The following IQCK variants were observed in gnomAD, a reference collection of about 807,000 sequenced individuals.
IQCK encodes the protein IQ motif containing K, also known as IQ domain-containing protein K.
IQCK carries 29 observed loss-of-function variants against 28.1 expected under a neutral mutation model. That is an observed-to-expected ratio of 1.03 (90% CI 0.77 to 1.41). The LOEUF (loss-of-function observed/expected upper bound fraction) is 1.41, where lower values mean the gene tolerates loss of function less well. Ranked by LOEUF, IQCK falls within the 40% of genes most tolerant of loss-of-function variation. The probability of loss-of-function intolerance (pLI) is 0.00; values close to 1 mark genes in which losing one functional copy is unlikely to be tolerated. For missense variants in IQCK, 359 were observed against 314.7 expected, an observed-to-expected ratio of 1.14 and a Z score of -1.07; for synonymous variants, 113 against 115.1, an observed-to-expected ratio of 0.98 and a Z score of 0.12.
chr16:19,832,569 G>A (rs1400184878), intron 9 of IQCK, among the ~76,000 whole-genome samples: 1 of 152,126 alleles, frequency 6.6e-6, no homozygotes, highest in Admixed American at 6.6e-5. Flanking sequence ...ACTCAGTTCT[G>A]TAAGTAAAAT....
intron 6 of IQCK, among the ~76,000 whole-genome samples, chr16:19,773,935 GTGAC>G (rs1332764987): frequency 1.3e-5 from 2 of 152,192 alleles, no homozygotes; most frequent in Non-Finnish European, 2.9e-5. Flanking sequence ...TTTCTGTTGG[GTGAC>G]TGACCCAGAG....
downstream of IQCK, among the ~76,000 whole-genome samples, chr16:19,829,530 T>A (rs2056202089): frequency 1.3e-5 from 2 of 151,922 alleles, no homozygotes; most frequent in African/African-American, 4.8e-5. Context: ...AGAGACGGGG[T>A]TTCACCATGT....
At chr16:19,733,585 C>T in intron 2 of IQCK, 113 bp from the exon 3 acceptor site, 9 of 1,228,828 alleles carry the variant, frequency 7.3e-6, no homozygotes, top group Non-Finnish European at 1.0e-5. Context: ...CAGCGTACCC[C>T]CTTGAACCTT....
At position 19,842,201 on chromosome 16, in the gene IQCK, T is replaced by C. The variant is rs2056369991; in HGVS notation, c.803-14286T>C. On this transcript the variant is annotated intron_variant, in intron 9 of 9. Transcript: ENST00000320394. The stretch of plus-strand genomic sequence containing the variant: ...TGTCTTTTCCCACTGAGTGGTGAAA[T>C]CAATTAATGGGTTGCCAAAAACATT... Among the ~76,000 whole-genome samples the C allele has an allele frequency of 1.3e-5, 2 of 152,150 alleles. 1 individual carries two copies. The highest frequency in any genetic ancestry group is 4.8e-5 in the African/African-American group (2 of 41,428).
chr16:19,803,423 G>A (rs1024451275), intron 7 of IQCK, among the ~76,000 whole-genome samples: 1 of 152,140 alleles, frequency 6.6e-6, no homozygotes, highest in African/African-American at 2.4e-5. Context: ...AATTGCAGGT[G>A]TGAGCCACAG....
chr16:19,729,161 C>T (rs976910236), intron 1 of IQCK, among the ~76,000 whole-genome samples: 1 of 152,108 alleles, frequency 6.6e-6, no homozygotes, highest in African/African-American at 2.4e-5. Context: ...ATTTTTGAGT[C>T]AGAGTCTCGC....
chr16:19,757,130 A>T (rs2055063778), intron 4 of IQCK, among the ~76,000 whole-genome samples: 2 of 152,202 alleles, frequency 1.3e-5, no homozygotes, highest in Non-Finnish European at 2.9e-5. Flanking sequence ...GCATATTTCT[A>T]TTCCTTGTAA....
chr16:19,783,847 G>T (rs960073038), intron 6 of IQCK, among the ~76,000 whole-genome samples: 3 of 152,154 alleles, frequency 2.0e-5, no homozygotes, highest in African/African-American at 7.2e-5. Context: ...GCTTTTTGGA[G>T]ATGTCGTTGT....
intron 6 of IQCK, among the ~76,000 whole-genome samples, chr16:19,772,827 G>T (rs1009739471): frequency 1.3e-5 from 2 of 151,990 alleles, no homozygotes; most frequent in African/African-American, 2.4e-5. Flanking sequence ...AACATAGTGA[G>T]ACCCCATCTC....
At chr16:19,830,588 T>C (rs1003609632), downstream of IQCK, among the ~76,000 whole-genome samples, 2 of 152,160 alleles carry the variant, frequency 1.3e-5, no homozygotes, top group African/African-American at 4.8e-5. Context: ...GAAATGGCCT[T>C]TGGGCAAACA....
chr16:19,727,375 T>C (rs578038695), intron 1 of IQCK, among the ~76,000 whole-genome samples: 5 of 151,996 alleles, frequency 3.3e-5, no homozygotes, highest in Non-Finnish European at 7.4e-5. Flanking sequence ...TTGCCTGAGC[T>C]TAGGAGTTCG....
intron 9 of IQCK, among the ~76,000 whole-genome samples, chr16:19,855,304 C>T (rs2056544643): frequency 6.6e-6 from 1 of 152,166 alleles, no homozygotes; most frequent in Non-Finnish European, 1.5e-5. Flanking sequence ...CAGAAAATAA[C>T]CACAGGGCCA....
intron 9 of IQCK, among the ~76,000 whole-genome samples, chr16:19,850,801 G>A (rs1405381440): frequency 1.3e-5 from 2 of 152,070 alleles, no homozygotes; most frequent in African/African-American, 4.8e-5. Flanking sequence ...GACTGCTTGA[G>A]CCCAGGAGTT....
chr16:19,740,960 T>C (rs2054824728), intron 4 of IQCK, among the ~76,000 whole-genome samples: 2 of 138,318 alleles, frequency 1.4e-5, no homozygotes, highest in African/African-American at 2.8e-5. Context: ...AGAGCGAGAC[T>C]CCATCTAAAA....
At chr16:19,850,008 T>C (rs1382157012) in intron 9 of IQCK, among the ~76,000 whole-genome samples, 2 of 152,170 alleles carry the variant, frequency 1.3e-5, no homozygotes. Context: ...CACTGACATT[T>C]CTCCCTGTTT....
At chr16:19,724,049 T>G (rs1977579110) in intron 1 of IQCK, among the ~76,000 whole-genome samples, 1 of 152,154 alleles carries the variant, frequency 6.6e-6, no homozygotes, top group Non-Finnish European at 1.5e-5. Flanking sequence ...GTTCTGCATT[T>G]TAAACAAGCA....
At chr16:19,764,783 C>T (rs1386341150) in intron 6 of IQCK, among the ~76,000 whole-genome samples, 3 of 149,898 alleles carry the variant, frequency 2.0e-5, no homozygotes, top group African/African-American at 4.9e-5. Context: ...CTCCACCTCC[C>T]GGGTTCATGC....
At chr16:19,761,355 A>G (rs2055139779) in intron 4 of IQCK, 3 of 454,732 alleles carry the variant, frequency 6.6e-6, no homozygotes, top group South Asian at 4.7e-5. Flanking sequence ...TACCACCCAT[A>G]GGATGGACCT....
At chr16:19,718,386 C>T (rs1241781024) in exon 1 of IQCK, 3 of 1,607,010 alleles carry the variant, frequency 1.9e-6, no homozygotes, top group East Asian at 4.5e-5. Context: ...TTCACCCGGA[C>T]GCCGGTGCCC....
Sources: allele counts gnomAD v4.1 joint callset (sites outside exome capture counted in the v4.1 genomes callset), GRCh38; gene constraint gnomAD v4.1.1; transcripts MANE v1.5; gene names NCBI Gene and HGNC (gene_info 2026-07-23, HGNC 2026-07-21).